Variants in XKR4 observed in about 807,000 individuals in gnomAD.
XKR4 encodes XK-related protein 4.
XKR4 carries 12 observed loss-of-function variants against 53.9 expected under a neutral mutation model. That is an observed-to-expected ratio of 0.22 (90% CI 0.14 to 0.36). The LOEUF is 0.36. Ranked by LOEUF, XKR4 falls within the 10% of genes least tolerant of loss-of-function variation. The pLI, the probability that XKR4 is intolerant of heterozygous loss-of-function variation, is 1.00. For synonymous variants in XKR4, 354 were observed against 362.4 expected, an observed-to-expected ratio of 0.98 and a Z score of 0.26; for missense variants, 799 against 859.5, an observed-to-expected ratio of 0.93 and a Z score of 0.88.
In XKR4 at chr8:55,320,456, C is replaced by T. The variant is rs190146156; in HGVS notation, c.807-37222C>T. On this transcript the variant is annotated intron_variant, in intron 1 of 2. Coordinates refer to ENST00000327381, the MANE Select transcript of XKR4 (RefSeq NM_052898.2). ...CCCAATTGACGCTGAACCAACCAAG[C>T]TCTGAGTAGTAGCTTGTTTTGGAAA... is the stretch of plus-strand genomic sequence containing the variant. Among the ~76,000 whole-genome samples the T allele has an allele frequency of 1.6e-3, 239 of 152,278 alleles. 2 individuals carry two copies. Among genetic ancestry groups the T allele is most frequent in the Middle Eastern group, 6.8e-3 (2 of 294 alleles).
At position 55,244,809 on chromosome 8, in the gene XKR4, T is replaced by C. The variant is rs559505264; in HGVS notation, c.807-112869T>C. On this transcript the variant is annotated intron_variant, in intron 1 of 2. Transcript: ENST00000327381. ...GTGGTTTTGATTTTCATTTGTCTAA[T>C]GATAGTGATGTTGAGCATTTTTTCA... Among the ~76,000 whole-genome samples the C allele has an allele frequency of 1.1e-4, 16 of 152,292 alleles. No individual in the cohort carries two copies. In the Middle Eastern group the frequency reaches 0.017, roughly 162 times the overall value.
At chr8:55,470,669 G>T (rs967179748) in intron 2 of XKR4, among the ~76,000 whole-genome samples, 46 of 152,126 alleles carry the variant, frequency 3.0e-4, no homozygotes, top group African/African-American at 1.1e-3. Context: ...CAGTTGTGAA[G>T]GGACTTACAT....
intron 2 of XKR4, among the ~76,000 whole-genome samples, chr8:55,500,264 C>T (rs943816943): frequency 4.0e-5 from 6 of 151,624 alleles, no homozygotes; most frequent in Non-Finnish European, 8.8e-5. Context: ...TTGAATTCCC[C>T]TTGTTTTCCT....
intron 2 of XKR4, among the ~76,000 whole-genome samples, chr8:55,434,427 G>GTGTGTGTGTGTGTT (rs59098674): frequency 0.01 from 1,565 of 152,000 alleles, 20 homozygotes; most frequent in African/African-American, 0.029. Context: ...GTGTGTGTGT[G>GTGTGTGTGTGTGTT]TGTGTGTGTG....
chr8:55,262,856 C>T (rs1818546595), intron 1 of XKR4, among the ~76,000 whole-genome samples: 1 of 152,190 alleles, frequency 6.6e-6, no homozygotes. Flanking sequence ...GGAGGCGTCC[C>T]GTAGGCTAGA....
chr8:55,258,641 A>G (rs1818472758), intron 1 of XKR4, among the ~76,000 whole-genome samples: 3 of 152,178 alleles, frequency 2.0e-5, no homozygotes, highest in Admixed American at 2.0e-4. Context: ...CTCCATACTG[A>G]GCAATCATTA....
At chr8:55,197,759 G>A (rs1479954118) in intron 1 of XKR4, among the ~76,000 whole-genome samples, 1 of 152,186 alleles carries the variant, frequency 6.6e-6, no homozygotes, top group Non-Finnish European at 1.5e-5. Flanking sequence ...TAGCCAGGAT[G>A]GTCTTGATCT....
chr8:55,534,520 C>A lies in XKR4; in HGVS notation c.*10293C>A, dbSNP rs1447880247. 1 of 151,286 alleles carries A rather than the reference C, an allele frequency of 6.6e-6. No individual in the cohort carries two copies. The highest frequency in any genetic ancestry group is 2.4e-5 in the African/African-American group (1 of 41,166). The allele number at this position is 151,286 out of a possible 1,614,324, so 9.4% of individuals were successfully genotyped here. A position where few individuals can be genotyped will look rare whatever the true frequency, so the allele number is the denominator to read the frequency against. On this transcript the variant is annotated 3_prime_UTR_variant, in exon 3 of 3. Transcript: ENST00000327381. ...TTCTGAGTAGGTGGGACTACAGGCG[C>A]CTGTCACCACGCCCGGCTAATTTTT...
chr8:55,521,484 G>C (rs1012833221), intron 2 of XKR4, among the ~76,000 whole-genome samples: 6 of 152,028 alleles, frequency 3.9e-5, no homozygotes, highest in Admixed American at 2.0e-4. Flanking sequence ...AAACTCCTTT[G>C]TATACTGGTC....
chr8:55,501,955 C>T (rs951794832), intron 2 of XKR4, among the ~76,000 whole-genome samples: 7 of 152,094 alleles, frequency 4.6e-5, no homozygotes, highest in African/African-American at 1.7e-4. Context: ...TAACCTATAG[C>T]ACATCTTCCC....
chr8:55,222,835 A>AT (rs200874275), intron 1 of XKR4, among the ~76,000 whole-genome samples: 50 of 150,070 alleles, frequency 3.3e-4, no homozygotes, highest in East Asian at 9.8e-4. Context: ...AAAGGAGGGG[A>AT]TTTTTTTTTT....
intron 1 of XKR4, among the ~76,000 whole-genome samples, chr8:55,213,907 G>C (rs1286593245): frequency 1.2e-4 from 16 of 128,546 alleles, no homozygotes; most frequent in Non-Finnish European, 2.3e-4. Flanking sequence ...TGTTGCCCAG[G>C]CTGGAGTGCA....
intron 2 of XKR4, among the ~76,000 whole-genome samples, chr8:55,370,410 T>G (rs1804054736): frequency 6.6e-6 from 1 of 152,242 alleles, no homozygotes; most frequent in African/African-American, 2.4e-5. Context: ...TGTTACTTTA[T>G]TGTATCCACC....
chr8:55,351,364 C>T (rs1803720326), intron 1 of XKR4, among the ~76,000 whole-genome samples: 1 of 152,098 alleles, frequency 6.6e-6, no homozygotes, highest in Non-Finnish European at 1.5e-5. Context: ...TTGGAAGAAA[C>T]CTGTCACCAG....
chr8:55,201,278 G>A (rs1201619299), intron 1 of XKR4, among the ~76,000 whole-genome samples: 1 of 152,218 alleles, frequency 6.6e-6, no homozygotes, highest in East Asian at 1.9e-4. Flanking sequence ...TATTGTGGCT[G>A]CAGTTGAATT....
intron 1 of XKR4, among the ~76,000 whole-genome samples, chr8:55,144,640 T>C (rs976677199): frequency 1.3e-5 from 2 of 151,982 alleles, no homozygotes; most frequent in African/African-American, 4.8e-5. Flanking sequence ...TTGTAAGTCA[T>C]AGACAAAACA....
At chr8:55,322,604 C>T (rs182614239) in intron 1 of XKR4, among the ~76,000 whole-genome samples, 3 of 152,300 alleles carry the variant, frequency 2.0e-5, no homozygotes, top group Admixed American at 6.5e-5. Context: ...TTAGAGAAGA[C>T]GAGTTCTCTT....
intron 1 of XKR4, among the ~76,000 whole-genome samples, chr8:55,304,098 C>T (rs1432115834): frequency 1.3e-5 from 2 of 152,050 alleles, no homozygotes; most frequent in Non-Finnish European, 2.9e-5. Context: ...GTTAGGGTGT[C>T]GATTTTGGAT....
intron 1 of XKR4, among the ~76,000 whole-genome samples, chr8:55,230,658 G>T (rs111265563): frequency 6.6e-6 from 1 of 152,130 alleles, no homozygotes; most frequent in Non-Finnish European, 1.5e-5. Context: ...ATGAGCCACC[G>T]TGCCCAGCTG....
Sources: allele counts gnomAD v4.1 joint callset (sites outside exome capture counted in the v4.1 genomes callset), GRCh38; gene constraint gnomAD v4.1.1; transcripts MANE v1.5; gene names NCBI Gene and HGNC (gene_info 2026-07-23, HGNC 2026-07-21).